DPY19L1: variants seen among roughly 807,000 people sequenced by gnomAD.
DPY19L1 encodes the protein dpy-19 like C-mannosyltransferase 1.
Under a neutral mutation model 96.9 loss-of-function variants are expected in DPY19L1, and 35 were observed. That is an observed-to-expected ratio of 0.36 (90% confidence interval 0.28 to 0.48). DPY19L1 has a LOEUF of 0.48. DPY19L1 is among the 20% of genes least tolerant of loss of function. DPY19L1 has a pLI of 0.99. For synonymous variants in DPY19L1, 205 were observed against 252.6 expected, an observed-to-expected ratio of 0.81 and a Z score of 1.79; for missense variants, 521 against 777.9, an observed-to-expected ratio of 0.67 and a Z score of 3.93.
chr7:34,957,607 A>C (rs1784406515), intron 11 of DPY19L1, among the ~76,000 whole-genome samples: 5 of 152,088 alleles, frequency 3.3e-5, no homozygotes, highest in Admixed American at 2.6e-4. Context: ...AACAAGAAAA[A>C]CAAAACAAAA....
intron 1 of DPY19L1, among the ~76,000 whole-genome samples, chr7:35,035,873 C>T (rs1786383691): frequency 6.6e-6 from 1 of 150,478 alleles, no homozygotes; most frequent in Non-Finnish European, 1.5e-5. Flanking sequence ...TTCTAACCTG[C>T]ATACTAGCCA....
intron 18 of DPY19L1, 39 bp downstream of exon 18, chr7:34,941,726 A>T: frequency 6.3e-7 from 1 of 1,592,050 alleles, no homozygotes; most frequent in Non-Finnish European, 8.5e-7. Context: ...ATAAAGGCTA[A>T]AATTATCATA....
chr7:34,963,849 C>G (rs1784557028), intron 10 of DPY19L1, among the ~76,000 whole-genome samples: 1 of 152,164 alleles, frequency 6.6e-6, no homozygotes, highest in Admixed American at 6.5e-5. Flanking sequence ...AAGACAAATA[C>G]TGTATGATTT....
intron 9 of DPY19L1, among the ~76,000 whole-genome samples, chr7:34,968,768 CAAAAAA>C (rs35977506): frequency 1.3e-3 from 12 of 8,898 alleles, no homozygotes; most frequent in Non-Finnish European, 1.7e-3. Flanking sequence ...GACTCCATCG[CAAAAAA>C]AAAAAAAAAA....
At chr7:34,989,676 A>G (rs773353684) in intron 7 of DPY19L1, among the ~76,000 whole-genome samples, 22 of 152,060 alleles carry the variant, frequency 1.4e-4, no homozygotes, top group Non-Finnish European at 2.9e-4. Context: ...TACAGTTGAT[A>G]CAGACCCATT....
At position 34,944,327 on chromosome 7, in the gene DPY19L1, C is replaced by T. The variant is rs1784092318; in HGVS notation, c.1544+1340G>A. On this transcript the variant is annotated intron_variant, in intron 16 of 21. Coordinates refer to ENST00000638088, the MANE Select transcript of DPY19L1 (RefSeq NM_001366673.1). The stretch of plus-strand genomic sequence containing the variant: ...GCAGTGAGCCGAGATCGTGCCACTG[C>T]ACTCCTCCAGCCTGGGTGACAGAGT... Among the ~76,000 whole-genome samples the T allele has an allele frequency of 2.2e-5, 3 of 136,960 alleles. No individual in the cohort carries two copies. The South Asian group carries it at 7.0e-4, about 32-fold the overall frequency. 89.9% of individuals were successfully genotyped at this position (136,960 alleles called of 152,430 possible).
chr7:34,955,463 A>G (rs1637670), intron 11 of DPY19L1, 96 bp from the exon 12 acceptor site: 454,973 of 1,478,772 alleles, frequency 0.31, 72,037 homozygotes, highest in Non-Finnish European at 0.33. Flanking sequence ...ATTCTCAAGT[A>G]TCTAAAATTT....
chr7:34,992,569 C>G (rs1785195865), intron 6 of DPY19L1, among the ~76,000 whole-genome samples: 1 of 139,154 alleles, frequency 7.2e-6, no homozygotes, highest in South Asian at 2.3e-4. Flanking sequence ...TTTCCAGAGA[C>G]TGGGTCTCAC....
intron 13 of DPY19L1, among the ~76,000 whole-genome samples, chr7:34,950,425 T>C (rs916599661): frequency 2.6e-5 from 4 of 152,200 alleles, no homozygotes; most frequent in African/African-American, 9.7e-5. Flanking sequence ...TCAAGGATTC[T>C]CACTCACACT....
In DPY19L1 at chr7:34,983,359, C is replaced by T. The variant is rs73098786; in HGVS notation, c.822+6525G>A. 6.9e-3 allele frequency among the ~76,000 whole-genome samples: 1,049 copies of T among 151,984 alleles called. 9 individuals are homozygous for T. The highest frequency in any genetic ancestry group is 0.012 in the Non-Finnish European group (827 of 67,978). On this transcript the variant is annotated intron_variant, in intron 7 of 21. Transcript: ENST00000638088. ...GTAGGTGTTGGCATTAGAAAACAGA[C>T]TTTAAAATAACTACAATAATTAGAT...
At chr7:34,999,433 A>C (rs1785371011) in intron 6 of DPY19L1, among the ~76,000 whole-genome samples, 1 of 152,180 alleles carries the variant, frequency 6.6e-6, no homozygotes, top group Admixed American at 6.5e-5. Context: ...TATCTCTGTG[A>C]CTCTCTTGGA....
intron 3 of DPY19L1, among the ~76,000 whole-genome samples, chr7:35,016,557 G>C (rs991313653): frequency 6.6e-6 from 1 of 152,154 alleles, no homozygotes; most frequent in Non-Finnish European, 1.5e-5. Context: ...TGATAGATTA[G>C]GTACCACAGT....
intron 13 of DPY19L1, among the ~76,000 whole-genome samples, chr7:34,952,612 T>C (rs535213831): frequency 3.3e-5 from 5 of 151,792 alleles, no homozygotes; most frequent in Non-Finnish European, 5.9e-5. Context: ...TCCTCATGAG[T>C]AATAGACGAA....
chr7:34,950,533 TGTTCAA>T (rs912792816), intron 13 of DPY19L1, among the ~76,000 whole-genome samples: 3 of 152,184 alleles, frequency 2.0e-5, no homozygotes, highest in Non-Finnish European at 4.4e-5. Flanking sequence ...ATTTGCCAAA[TGTTCAA>T]GTTCATTATA....
Position 34,929,564 on chromosome 7 carries a change from A to G in DPY19L1, c.*2009T>C, listed in dbSNP as rs1387507057. The G allele has an allele frequency of 6.6e-6, 1 of 152,248 alleles. No homozygotes were observed. The highest frequency in any genetic ancestry group is 1.9e-4 in the East Asian group (1 of 5,208). 9.4% of individuals were successfully genotyped at this position (152,248 alleles called of 1,614,324 possible). A position where few individuals can be genotyped will look rare whatever the true frequency, so the allele number is the denominator to read the frequency against. On this transcript the variant is annotated 3_prime_UTR_variant, in exon 22 of 22. Transcript: ENST00000638088. ...GGAAATTACTGGGGGTGAGAAAAAT[A>G]TAAAATAAATGTAAAAGTATAATTT... is the stretch of plus-strand genomic sequence containing the variant.
intron 10 of DPY19L1, among the ~76,000 whole-genome samples, chr7:34,963,696 TCGTG>T (rs1356889878): frequency 2.1e-5 from 3 of 144,384 alleles, no homozygotes; most frequent in Admixed American, 7.7e-5. Context: ...ATAAGCAGAA[TCGTG>T]TGTGTGTGTG....
At position 34,963,787 on chromosome 7, in the gene DPY19L1, A is replaced by T. The variant is rs1399525986; in HGVS notation, c.1092+3107T>A. The stretch of plus-strand genomic sequence containing the variant: ...AAGGAAGGAAATTCTGACATGCTTC[A>T]ACATAGAAGTAACTTGGGACAGTAG... On this transcript the variant is annotated intron_variant, in intron 10 of 21. Coordinates refer to ENST00000638088, the MANE Select transcript of DPY19L1 (RefSeq NM_001366673.1). Among the ~76,000 whole-genome samples the T allele has an allele frequency of 5.3e-5, 8 of 152,218 alleles. No homozygotes were observed. In the East Asian group the frequency reaches 1.5e-3, roughly 29 times the overall value.
rs1389529595 is a variant in DPY19L1, at chr7:34,936,818, T to C, written c.2090+1176A>G. 5.3e-5 allele frequency among the ~76,000 whole-genome samples: 8 copies of C among 152,244 alleles called. No individual in the cohort carries two copies. The East Asian group carries it at 1.3e-3, about 26-fold the overall frequency. On this transcript the variant is annotated intron_variant, in intron 21 of 21. Transcript: ENST00000638088. The stretch of plus-strand genomic sequence containing the variant: ...TCCTTGTGAGCAAAGCTGTAGATAC[T>C]ATGTCACAGAACTATTTTTCACTCA...
intron 7 of DPY19L1, among the ~76,000 whole-genome samples, chr7:34,975,815 CT>C (rs1333019569): frequency 6.6e-6 from 1 of 152,192 alleles, no homozygotes; most frequent in African/African-American, 2.4e-5. Context: ...TGCACGTGAT[CT>C]ACAAATGGAG....
Sources: gnomAD v4.1 joint callset for allele counts (sites outside exome capture counted in the v4.1 genomes callset) on GRCh38, gnomAD v4.1.1 for gene constraint, MANE v1.5 for transcripts, NCBI Gene and HGNC (gene_info 2026-07-23, HGNC 2026-07-21) for gene names.